CSMD2: variants seen among roughly 807,000 people sequenced by gnomAD.
CSMD2 encodes CUB and sushi domain-containing protein 2.
Under a neutral mutation model 398.5 loss-of-function variants are expected in CSMD2, and 130 were observed. That is an observed-to-expected ratio of 0.33 (90% confidence interval 0.28 to 0.38). CSMD2 has a LOEUF of 0.38. CSMD2 is among the 10% of genes least tolerant of loss of function. CSMD2 has a pLI of 1.00. For synonymous variants in CSMD2, 1,828 were observed against 1,908.5 expected, an observed-to-expected ratio of 0.96 and a Z score of 1.10; for missense variants, 3,829 against 4,764.9, an observed-to-expected ratio of 0.80 and a Z score of 5.78.
At position 33,555,020 on chromosome 1, in the gene CSMD2, T is replaced by C. The variant is rs6668491; in HGVS notation, c.8743+2714A>G. On this transcript the variant is annotated intron_variant, in intron 55 of 70. Transcript: ENST00000373381. ...TTCATAAGGCTATAGCTTCCACAGA[T>C]AGTGTATTCCTCTGATGGATCTGGG... 4.7e-3 allele frequency among the ~76,000 whole-genome samples: 715 copies of C among 152,292 alleles called. 6 individuals carry two copies. The highest frequency in any genetic ancestry group is 0.029 in the South Asian group (140 of 4,828).
chr1:33,558,244 G>T (rs538285860), intron 54 of CSMD2, among the ~76,000 whole-genome samples: 1 of 152,316 alleles, frequency 6.6e-6, no homozygotes, highest in African/African-American at 2.4e-5. Flanking sequence ...GGGCATGAAT[G>T]TCTAGTCTCC....
chr1:33,637,957 T>G (rs1255706711), intron 29 of CSMD2, among the ~76,000 whole-genome samples: 1 of 152,148 alleles, frequency 6.6e-6, no homozygotes, highest in Non-Finnish European at 1.5e-5. Context: ...GGCCACTACT[T>G]GAGGCTGTCA....
rs916892453 is a variant in CSMD2 at position 33,524,332 on chromosome 1, T to A, written c.10396+550A>T. Among the ~76,000 whole-genome samples, 3 of 152,338 alleles carry A rather than the reference T, an allele frequency of 2.0e-5. 1 individual carries two copies. In the South Asian group the frequency reaches 6.2e-4, roughly 32 times the overall value. On this transcript the variant is annotated intron_variant, in intron 66 of 70. Coordinates refer to ENST00000373381, the MANE Select transcript of CSMD2 (RefSeq NM_001281956.2). The stretch of plus-strand genomic sequence containing the variant: ...GTTTGACTCCCTCCGTATCTTCTTA[T>A]GATAAAAATTGTTAGAAATGTAATT...
At chr1:33,954,524 C>T (rs1645104926) in intron 3 of CSMD2, among the ~76,000 whole-genome samples, 1 of 152,124 alleles carries the variant, frequency 6.6e-6, no homozygotes, top group Non-Finnish European at 1.5e-5. Flanking sequence ...CATAGGAGCA[C>T]TATCACAACA....
At chr1:34,061,266 T>C (rs892355804) in intron 2 of CSMD2, among the ~76,000 whole-genome samples, 2 of 152,190 alleles carry the variant, frequency 1.3e-5, no homozygotes, top group African/African-American at 4.8e-5. Context: ...GGCTGGACAG[T>C]GTGCCAGGCT....
At chr1:33,788,801 C>T in intron 11 of CSMD2, 89 bp from the exon 12 acceptor site, 1 of 897,758 alleles carries the variant, frequency 1.1e-6, no homozygotes, top group Admixed American at 2.0e-5. Flanking sequence ...AAAGGACTAT[C>T]CAGGATCCAG....
chr1:33,684,447 C>T lies in CSMD2; in HGVS notation c.4052+8483G>A, dbSNP rs139638936. Reference sequence around the variant, plus strand: ...GGAAAGCACATCGGCAGAGGACTGTCTCCTCTCCCTTCTTCCTTCCCCCTC... The same window carrying T: ...GGAAAGCACATCGGCAGAGGACTGTTTCCTCTCCCTTCTTCCTTCCCCCTC... On this transcript the variant is annotated intron_variant, in intron 25 of 70. Coordinates refer to ENST00000373381, the MANE Select transcript of CSMD2 (RefSeq NM_001281956.2). Among the ~76,000 whole-genome samples, 61 of 152,278 alleles carry T rather than the reference C, an allele frequency of 4.0e-4. No homozygotes were observed. The East Asian group carries it at 9.1e-3, about 23-fold the overall frequency.
rs564046987 is a variant in CSMD2, at chr1:33,559,183, T to G, written c.8554+117A>C. ...ATTTATGACCCTTCTCTGCTCCATC[T>G]TCCCTATCTGGATCAGAATGATGCC... On this transcript the variant is annotated intron_variant, in intron 54 of 70. Transcript: ENST00000373381. The surrounding 1 kb of genome is among the most constrained non-coding windows in gnomAD (Gnocchi z 4.0). 6.5e-6 allele frequency: 6 copies of G among 927,378 alleles called. No individual in the cohort carries two copies. The Admixed American group carries it at 8.1e-5, about 13-fold the overall frequency. 57.4% of individuals were successfully genotyped at this position (927,378 alleles called of 1,614,324 possible).
chr1:33,569,460 C>T lies in CSMD2; in HGVS notation c.8045G>A (p.Cys2682Tyr), dbSNP rs1381547172. 1 of 1,614,144 alleles carries T rather than the reference C, an allele frequency of 6.2e-7. No homozygotes were observed. The highest frequency in any genetic ancestry group is 8.5e-7 in the Non-Finnish European group (1 of 1,180,034). ...GCCCACCAGTGTGTATCCGGAATTG[C>T]AGGAGAAGATGGCTGTTGCCCCGTA... The part of the protein sequence containing the change: ...SVYGATAIFS[C>Y]NSGYTLVGSR... Residue 2682 changes from cysteine to tyrosine, a missense_variant, in exon 52 of 71, where the codon TGC becomes TAC. Coordinates refer to ENST00000373381, the MANE Select transcript of CSMD2 (RefSeq NM_001281956.2).
intron 1 of CSMD2, among the ~76,000 whole-genome samples, chr1:34,129,063 C>T (rs1663056596): frequency 6.6e-6 from 1 of 151,372 alleles, no homozygotes; most frequent in South Asian, 2.1e-4. Context: ...GCATACAGCT[C>T]TTTAGTACGT....
At position 33,559,335 on chromosome 1, in the gene CSMD2, C is replaced by A. The variant is rs1211490177; in HGVS notation, c.8519G>T (p.Ser2840Ile). ...EGAARSQCLA[S>I]GQWSDMLPTC... ...GGGCAGCATGTCACTCCATTGCCCG[C>A]TGGCCAGGCATTGGGACCTAGCAGC... Residue 2840 changes from serine (S) to isoleucine (I), a missense_variant, in exon 54 of 71, where the codon AGC becomes ATC. Coordinates refer to ENST00000373381, the MANE Select transcript of CSMD2 (RefSeq NM_001281956.2). The surrounding 1 kb of genome is among the most constrained non-coding windows in gnomAD (Gnocchi z 4.0). 6.5e-7 allele frequency: 1 copy of A among 1,535,840 alleles called. No homozygotes were observed. The highest frequency in any genetic ancestry group is 8.7e-7 in the Non-Finnish European group (1 of 1,146,914).
chr1:33,775,358 A>T (rs754072749), intron 12 of CSMD2, among the ~76,000 whole-genome samples: 1 of 152,190 alleles, frequency 6.6e-6, no homozygotes, highest in Non-Finnish European at 1.5e-5. Flanking sequence ...TTTTGCACTA[A>T]TATTAATTTT....
Position 33,810,417 on chromosome 1 carries a change from C to T in CSMD2, c.1446+326G>A, listed in dbSNP as rs375073132. Among the ~76,000 whole-genome samples the T allele has an allele frequency of 1.5e-3, 234 of 152,170 alleles. 1 individual carries two copies. Among genetic ancestry groups the T allele is most frequent in the African/African-American group, 5.4e-3 (225 of 41,516 alleles). On this transcript the variant is annotated intron_variant, in intron 10 of 70. Transcript: ENST00000373381. ...TAAAGAAAAACAAAGGAATAATAAA[C>T]ACACAATTGAGGTAATGGTTACCTC...
chr1:33,675,110 G>A (rs982920404), intron 25 of CSMD2, among the ~76,000 whole-genome samples: 3 of 152,080 alleles, frequency 2.0e-5, no homozygotes, highest in African/African-American at 7.2e-5. Context: ...ACTAAGATCA[G>A]GGCAGAACTG....
At chr1:34,024,390 G>A (rs1353455715) in intron 3 of CSMD2, among the ~76,000 whole-genome samples, 1 of 152,222 alleles carries the variant, frequency 6.6e-6, no homozygotes, top group Non-Finnish European at 1.5e-5. Flanking sequence ...GACGGTCATG[G>A]CACTAGAGTT....
intron 4 of CSMD2, among the ~76,000 whole-genome samples, chr1:33,922,187 T>G (rs1643964825): frequency 6.6e-6 from 1 of 152,106 alleles, no homozygotes; most frequent in African/African-American, 2.4e-5. Context: ...TCCCAGAGAC[T>G]GTGAGGCAGG....
In CSMD2 at chr1:33,602,377, G is replaced by A. The variant is rs757661223; in HGVS notation, c.6702C>T (p.Ile2234=). 6.2e-7 allele frequency: 1 copy of A among 1,613,876 alleles called. No individual in the cohort carries two copies. Among genetic ancestry groups the A allele is most frequent in the Non-Finnish European group, 8.5e-7 (1 of 1,179,944 alleles). The part of the protein sequence containing the change: ...LLQTEPSGDF[I]TIWDGPQQTA... ...CATGGCACCTGGCCTACCAGATGGTGATGAAATCTCCAGAGGGCTCTGTCT... is the reference window on the plus strand; with the variant it reads ...CATGGCACCTGGCCTACCAGATGGTAATGAAATCTCCAGAGGGCTCTGTCT... Residue 2234 remains isoleucine, a synonymous_variant, in exon 43 of 71, where the codon ATC becomes ATT. Coordinates refer to ENST00000373381, the MANE Select transcript of CSMD2 (RefSeq NM_001281956.2).
At chr1:34,075,461 G>C (rs548248318) in intron 2 of CSMD2, among the ~76,000 whole-genome samples, 1 of 152,332 alleles carries the variant, frequency 6.6e-6, no homozygotes, top group Admixed American at 6.5e-5. Context: ...TCCAAAACAG[G>C]TGTCTGACGC....
At position 33,743,335 on chromosome 1, in the gene CSMD2, G is replaced by C. The variant is rs199900835; in HGVS notation, c.2118C>G (p.Leu706=). The change falls in exon 14 of 71, where the codon CTC becomes CTG. Residue 706 remains leucine (L), a synonymous_variant. Transcript: ENST00000373381. ...CTGTGGAGTGGTCAGTCTGGAACTC[G>C]AGACGGGCCACGTGGCCACTGCTTG... ...SITSSGHVAR[L]EFQTDHSTGK... 1.2e-6 allele frequency: 2 copies of C among 1,614,056 alleles called. No homozygotes were observed. Among genetic ancestry groups the C allele is most frequent in the Middle Eastern group, 1.6e-4 (1 of 6,062 alleles).
Sources: allele counts gnomAD v4.1 joint callset (sites outside exome capture counted in the v4.1 genomes callset), GRCh38; gene constraint gnomAD v4.1.1; non-coding constraint Gnocchi (gnomAD v3.1); transcripts MANE v1.5; gene names NCBI Gene and HGNC (gene_info 2026-07-23, HGNC 2026-07-21).